Variants in RIT2 observed in about 807,000 individuals in gnomAD.
RIT2 encodes Ras like without CAAX 2, also known as GTP-binding protein Rit2.
In RIT2, 24 loss-of-function variants were observed where a neutral mutation model predicts 23.7. The observed-to-expected ratio is 1.01, with a 90% confidence interval of 0.73 to 1.43. The LOEUF is 1.43. Ranked by LOEUF, RIT2 falls within the 40% of genes most tolerant of loss-of-function variation. The probability of loss-of-function intolerance (pLI) is 0.00; values close to 1 mark genes in which losing one functional copy is unlikely to be tolerated. For synonymous variants in RIT2, 107 were observed against 91.1 expected (o/e 1.17, Z -0.99); for missense variants, 236 against 266.9 (o/e 0.88, Z 0.81).
chr18:43,106,249 A>G (rs1046958266), intron 1 of RIT2, among the ~76,000 whole-genome samples: 1 of 152,254 alleles, frequency 6.6e-6, no homozygotes, highest in African/African-American at 2.4e-5. Flanking sequence ...ACAAAACAAG[A>G]AACATTCCTC....
chr18:42,934,767 A>G (rs899826756), intron 3 of RIT2, among the ~76,000 whole-genome samples: 1 of 152,196 alleles, frequency 6.6e-6, no homozygotes, highest in Non-Finnish European at 1.5e-5. Context: ...AATTTTAAAC[A>G]ATGCTTTTCT....
At chr18:42,781,401 G>T (rs1913808390) in intron 4 of RIT2, among the ~76,000 whole-genome samples, 1 of 151,998 alleles carries the variant, frequency 6.6e-6, no homozygotes, top group Non-Finnish European at 1.5e-5. Flanking sequence ...ATTGAAATTG[G>T]TGCTTTCTCT....
intron 1 of RIT2, among the ~76,000 whole-genome samples, chr18:43,087,765 A>G (rs960749487): frequency 5.3e-5 from 8 of 151,488 alleles, no homozygotes; most frequent in Non-Finnish European, 1.0e-4. Context: ...TTCTTTTTCA[A>G]CCATTCCTGT....
intron 1 of RIT2, among the ~76,000 whole-genome samples, chr18:43,074,729 A>C (rs1912972280): frequency 6.6e-6 from 1 of 152,248 alleles, no homozygotes; most frequent in African/African-American, 2.4e-5. Flanking sequence ...AAAAGGAATG[A>C]GATCATGTCC....
chr18:42,973,811 A>T (rs1910417043), intron 3 of RIT2, among the ~76,000 whole-genome samples: 1 of 151,926 alleles, frequency 6.6e-6, no homozygotes, highest in African/African-American at 2.4e-5. Flanking sequence ...AACCTGAGGA[A>T]AAAAAATAAA....
chr18:42,748,969 G>C (rs1912982133), intron 4 of RIT2, among the ~76,000 whole-genome samples: 1 of 151,862 alleles, frequency 6.6e-6, no homozygotes, highest in African/African-American at 2.4e-5. Flanking sequence ...AGGATATAGG[G>C]GACTTGAACA....
At chr18:43,010,068 C>T (rs551499587) in intron 2 of RIT2, among the ~76,000 whole-genome samples, 4 of 151,836 alleles carry the variant, frequency 2.6e-5, no homozygotes, top group South Asian at 2.1e-4. Context: ...TTTCCATTGG[C>T]GAGGATAATT....
chr18:42,754,160 C>T (rs1913109326), intron 4 of RIT2, among the ~76,000 whole-genome samples: 1 of 152,142 alleles, frequency 6.6e-6, no homozygotes, highest in Non-Finnish European at 1.5e-5. Flanking sequence ...AACTTCTTAG[C>T]ACGTCCCTCT....
chr18:43,040,528 G>A (rs1912103611), intron 1 of RIT2, among the ~76,000 whole-genome samples: 1 of 152,168 alleles, frequency 6.6e-6, no homozygotes, highest in Non-Finnish European at 1.5e-5. Flanking sequence ...CCTCCTCTGA[G>A]TTCTTTATGA....
At chr18:42,902,898 T>C (rs1328933164) in intron 4 of RIT2, among the ~76,000 whole-genome samples, 2 of 151,756 alleles carry the variant, frequency 1.3e-5, no homozygotes, top group Non-Finnish European at 2.9e-5. Context: ...TTTCATAATA[T>C]GGGATTTTAA....
At chr18:42,936,214 A>G (rs1231628900) in intron 3 of RIT2, among the ~76,000 whole-genome samples, 1 of 152,096 alleles carries the variant, frequency 6.6e-6, no homozygotes, top group Non-Finnish European at 1.5e-5. Flanking sequence ...TCCAGACCCT[A>G]TTCTCCTGCC....
intron 1 of RIT2, among the ~76,000 whole-genome samples, chr18:43,085,500 T>G (rs1424876873): frequency 6.6e-6 from 1 of 152,194 alleles, no homozygotes; most frequent in Non-Finnish European, 1.5e-5. Flanking sequence ...TCTTTTTTCA[T>G]TCTTCTCCTT....
intron 1 of RIT2, among the ~76,000 whole-genome samples, chr18:43,085,507 C>T (rs896091934): frequency 8.5e-5 from 13 of 152,116 alleles, no homozygotes; most frequent in African/African-American, 3.1e-4. Flanking sequence ...TCATTCTTCT[C>T]CTTTCCTACC....
At chr18:42,797,073 A>C (rs1438354044) in intron 4 of RIT2, among the ~76,000 whole-genome samples, 1 of 152,222 alleles carries the variant, frequency 6.6e-6, no homozygotes, top group East Asian at 1.9e-4. Context: ...AATTAAATAA[A>C]ATAAACAGTA....
chr18:42,976,193 C>A (rs1219592866), intron 2 of RIT2, among the ~76,000 whole-genome samples: 1 of 151,810 alleles, frequency 6.6e-6, no homozygotes, highest in African/African-American at 2.4e-5. Context: ...TAAAGAAATG[C>A]TTCCTGGGAG....
intron 4 of RIT2, among the ~76,000 whole-genome samples, chr18:42,821,207 A>T (rs998327873): frequency 6.6e-6 from 1 of 152,148 alleles, no homozygotes; most frequent in Non-Finnish European, 1.5e-5. Context: ...ACAGACCCTG[A>T]TAGAGAAGAC....
intron 3 of RIT2, among the ~76,000 whole-genome samples, chr18:42,973,364 G>C (rs1004780191): frequency 2.6e-5 from 4 of 151,118 alleles, no homozygotes; most frequent in African/African-American, 9.7e-5. Context: ...TCCCATGCTT[G>C]TATCAAATTA....
intron 3 of RIT2, among the ~76,000 whole-genome samples, chr18:42,948,193 C>T (rs551867364): frequency 2.7e-4 from 41 of 152,040 alleles, no homozygotes; most frequent in African/African-American, 8.9e-4. Context: ...CATCTTTAAG[C>T]GTAATGAGGA....
intron 4 of RIT2, among the ~76,000 whole-genome samples, chr18:42,846,435 T>C (rs1166128198): frequency 6.6e-6 from 1 of 152,006 alleles, no homozygotes; most frequent in Non-Finnish European, 1.5e-5. Context: ...CTTACATAAA[T>C]TATTCTTGCT....
Sources: gnomAD v4.1 joint callset for allele counts (sites outside exome capture counted in the v4.1 genomes callset) on GRCh38, gnomAD v4.1.1 for gene constraint, MANE v1.5 for transcripts, NCBI Gene and HGNC (gene_info 2026-07-23, HGNC 2026-07-21) for gene names.